COQ7: variants seen among roughly 807,000 people sequenced by gnomAD.
COQ7 encodes NADPH-dependent 3-demethoxyubiquinone 3-hydroxylase, mitochondrial.
In COQ7, 21 loss-of-function variants were observed where a neutral mutation model predicts 25.0. That is an observed-to-expected ratio of 0.84 (90% CI 0.60 to 1.21). The LOEUF (loss-of-function observed/expected upper bound fraction) is 1.21. Ranked by LOEUF, COQ7 falls within the 50% of genes most tolerant of loss-of-function variation. The pLI, the probability that COQ7 is intolerant of heterozygous loss-of-function variation, is 0.00. For missense variants in COQ7, 311 were observed against 296.2 expected (o/e 1.05, Z -0.37); for synonymous variants, 125 against 112.4 (o/e 1.11, Z -0.71).
chr16:19,080,633 T>G (rs1963080221), downstream of COQ7, among the ~76,000 whole-genome samples: 3 of 152,128 alleles, frequency 2.0e-5, 1 homozygote, highest in South Asian at 6.2e-4. Flanking sequence ...AAGAATAATG[T>G]TTAATCTTAT....
chr16:19,080,372 G>C (rs1330524695), downstream of COQ7, among the ~76,000 whole-genome samples: 1 of 152,228 alleles, frequency 6.6e-6, no homozygotes, highest in Non-Finnish European at 1.5e-5. Flanking sequence ...AAATTGTTTG[G>C]AAAGTTGTCT....
In COQ7 at chr16:19,067,640, G is replaced by T; in HGVS notation, c.-25G>T. On this transcript the variant is annotated 5_prime_UTR_variant, in exon 1 of 6. Transcript: ENST00000321998. The stretch of plus-strand genomic sequence containing the variant: ...CTATTGGCCAGTTCCGTTCAACGAA[G>T]TGGTTGCTTTTTTTAGTTCCGGCAA... The T allele has an allele frequency of 6.2e-7, 1 of 1,613,574 alleles. No homozygotes were observed. The highest frequency in any genetic ancestry group is 1.1e-5 in the South Asian group (1 of 91,070).
intron 3 of COQ7, 38 bp from the exon 4 acceptor site, chr16:19,075,683 T>G: frequency 6.5e-7 from 1 of 1,530,932 alleles, no homozygotes. Context: ...CGGTCATATC[T>G]GTCTCTTACT....
At chr16:19,069,372 A>ATG (rs1348022628) in intron 1 of COQ7, among the ~76,000 whole-genome samples, 1 of 138,818 alleles carries the variant, frequency 7.2e-6, no homozygotes, top group African/African-American at 2.7e-5. Context: ...TTATTATTGT[A>ATG]TGTTTTCCCT....
chr16:19,072,171 A>G, intron 2 of COQ7, 65 bp downstream of exon 2: 1 of 1,587,850 alleles, frequency 6.3e-7, no homozygotes, highest in Non-Finnish European at 8.6e-7. Context: ...GACTTCAAGT[A>G]ATGAATCATG....
downstream of COQ7, among the ~76,000 whole-genome samples, chr16:19,082,526 C>G (rs1004805178): frequency 5.9e-5 from 9 of 152,084 alleles, no homozygotes; most frequent in African/African-American, 2.2e-4. Context: ...TGGCTCACGC[C>G]TGTAATCCCA....
intron 4 of COQ7, 152 bp from the exon 5 acceptor site, chr16:19,077,154 A>C: frequency 1.3e-4 from 76 of 576,730 alleles, no homozygotes; most frequent in Non-Finnish European, 1.7e-4. Context: ...AGAGTTGGGT[A>C]GTTGCAACAA....
At chr16:19,081,984 T>G (rs6497322), downstream of COQ7, among the ~76,000 whole-genome samples, 134,911 of 152,068 alleles carry the variant, frequency 0.89, 60,902 homozygotes, top group Non-Finnish European at 0.96. Context: ...TCATGCCATT[T>G]TACTCCAGCC....
downstream of COQ7, among the ~76,000 whole-genome samples, chr16:19,081,457 T>C (rs576493198): frequency 1.3e-5 from 2 of 152,252 alleles, no homozygotes; most frequent in Non-Finnish European, 2.9e-5. Context: ...TCCTAACCTG[T>C]GATGAGTAAA....
At chr16:19,080,584 G>T (rs1963078899), downstream of COQ7, among the ~76,000 whole-genome samples, 1 of 151,950 alleles carries the variant, frequency 6.6e-6, no homozygotes, top group South Asian at 2.1e-4. Flanking sequence ...AGGGCCCCTG[G>T]ATTATTTGAC....
intron 3 of COQ7, among the ~76,000 whole-genome samples, chr16:19,075,374 G>C (rs933298533): frequency 6.6e-6 from 1 of 151,910 alleles, no homozygotes; most frequent in Non-Finnish European, 1.5e-5. Context: ...ACTAATTTTT[G>C]TATTTTTAGT....
At position 19,078,162 on chromosome 16, in the gene COQ7, G is replaced by C. The variant is rs1399143388; in HGVS notation, c.*4G>C. 1 of 1,607,754 alleles carries C rather than the reference G, an allele frequency of 6.2e-7. No individual in the cohort carries two copies. Among genetic ancestry groups the C allele is most frequent in the African/African-American group, 1.3e-5 (1 of 74,578 alleles). On this transcript the variant is annotated 3_prime_UTR_variant, in exon 6 of 6. Transcript: ENST00000321998. ...ATATTTATCAGAAAGATTATAAAGT[G>C]TGTCCAGTTTTGCCTGTCTATAAAA...
At chr16:19,077,604 T>TTTTTTTTTTTTTTTTTTTTTTTTGTTTG (rs1555522742) in intron 5 of COQ7, among the ~76,000 whole-genome samples, 1 of 143,616 alleles carries the variant, frequency 7.0e-6, no homozygotes, top group Non-Finnish European at 1.5e-5. Context: ...TTTTTTTTTT[T>TTTTTTTTTTTTTTTTTTTTTTTTGTTTG]CCCAGACACA....
chr16:19,075,322 C>T (rs1962776651), intron 3 of COQ7, among the ~76,000 whole-genome samples: 1 of 151,908 alleles, frequency 6.6e-6, no homozygotes, highest in African/African-American at 2.4e-5. Context: ...CCTGCCTCAG[C>T]CTCCCAAGTA....
rs1393901810 is a variant in COQ7 at position 19,078,091 on chromosome 16, A to G, written c.587A>G (p.Tyr196Cys). ...LDHDAELAPA[Y>C]AVLKSIIQAG... ...TATTGTTTTTAACAGGCTCCAGCCT[A>G]TGCCGTCCTGAAGAGCATTATCCAG... The change falls in exon 6 of 6, where the codon TAT becomes TGT. Residue 196 changes from tyrosine to cysteine, a missense_variant. Tyr to Cys is a radical substitution (Grantham distance 194, BLOSUM62 -2). Coordinates refer to ENST00000321998, the MANE Select transcript of COQ7 (RefSeq NM_016138.5). The G allele has an allele frequency of 1.2e-6, 2 of 1,607,984 alleles. No individual in the cohort carries two copies. The highest frequency in any genetic ancestry group is 2.3e-5 in the East Asian group (1 of 44,358).
downstream of COQ7, among the ~76,000 whole-genome samples, chr16:19,082,765 T>TGAAAA (rs1963117691): frequency 6.8e-6 from 1 of 147,546 alleles, no homozygotes. Context: ...AGACTCTGTC[T>TGAAAA]AAAAAAAAAA....
Position 19,078,997 on chromosome 16 carries a change from A to G in COQ7, c.*839A>G, listed in dbSNP as rs983485301. 1 of 152,110 alleles carries G rather than the reference A, an allele frequency of 6.6e-6. No homozygotes were observed. Among genetic ancestry groups the G allele is most frequent in the Non-Finnish European group, 1.5e-5 (1 of 68,024 alleles). The allele number at this position is 152,110 out of a possible 1,614,324, so 9.4% of individuals were successfully genotyped here. A position where few individuals can be genotyped will look rare whatever the true frequency, so the allele number is the denominator to read the frequency against. ...TCTGTGTCTCCCTAGAATTCATACG[A>G]TGAAATCTTCACTCTCAAGTTGATA... On this transcript the variant is annotated 3_prime_UTR_variant, in exon 6 of 6. Transcript: ENST00000321998.
rs765721128 is a variant in COQ7 at position 19,078,146 on chromosome 16, A to G, written c.642A>G (p.Ser214=). 3 of 1,611,810 alleles carry G rather than the reference A, an allele frequency of 1.9e-6. No homozygotes were observed. Among genetic ancestry groups the G allele is most frequent in the South Asian group, 2.2e-5 (2 of 90,728 alleles). ...QAGCRVAIYL[S]ERL ...GATGCAGAGTGGCGATATATTTATC[A>G]GAAAGATTATAAAGTGTGTCCAGTT... Residue 214 remains serine (S), a synonymous_variant, in exon 6 of 6, where the codon TCA becomes TCG. Coordinates refer to ENST00000321998, the MANE Select transcript of COQ7 (RefSeq NM_016138.5).
At chr16:19,075,471 T>C (rs1009820372) in intron 3 of COQ7, among the ~76,000 whole-genome samples, 3 of 152,184 alleles carry the variant, frequency 2.0e-5, no homozygotes, top group African/African-American at 4.8e-5. Context: ...GCTGGGACTA[T>C]AGGCGTGATC....
Sources: allele counts gnomAD v4.1 joint callset (sites outside exome capture counted in the v4.1 genomes callset), GRCh38; gene constraint gnomAD v4.1.1; transcripts MANE v1.5; gene names NCBI Gene and HGNC (gene_info 2026-07-23, HGNC 2026-07-21).